The following TRPC4 variants were observed in gnomAD, a reference collection of about 807,000 sequenced individuals.
TRPC4 encodes transient receptor potential cation channel subfamily C member 4, also known as short transient receptor potential channel 4.
A neutral mutation model predicts 99.4 loss-of-function variants in TRPC4; 49 were observed. The observed-to-expected ratio is 0.49, with a 90% CI of 0.39 to 0.63. The LOEUF (loss-of-function observed/expected upper bound fraction) is 0.63, where lower values mean the gene tolerates loss of function less well. TRPC4 is among the 20% of genes least tolerant of loss of function. The pLI is 0.00. For synonymous variants in TRPC4, 454 were observed against 425.9 expected (o/e 1.07, Z -0.81); for missense variants, 898 against 1,152.9 (o/e 0.78, Z 3.20).
At chr13:37,740,301 T>C (rs17056559) in intron 3 of TRPC4, among the ~76,000 whole-genome samples, 1 of 152,130 alleles carries the variant, frequency 6.6e-6, no homozygotes, top group Admixed American at 6.5e-5. Flanking sequence ...TATGCAGATA[T>C]CAGGTAAATC....
Position 37,637,556 on chromosome 13 carries a change from TG to T in TRPC4, c.2280del (p.Thr761GlnfsTer39), listed in dbSNP as rs758310603. The T allele has an allele frequency of 6.2e-7, 1 of 1,613,022 alleles. No homozygotes were observed. The highest frequency in any genetic ancestry group is 1.1e-5 in the South Asian group (1 of 90,908). ...VLGLLRGSKL[S>X]TIQSANASKE... ...TTCGAGGCATTCGCAGATTGTATTG[TG>T]GAAAGTTTGCTTCCTCTTAGTAATC... On this transcript the variant is annotated frameshift_variant, in exon 11 of 11. Coordinates refer to ENST00000379705, the MANE Select transcript of TRPC4 (RefSeq NM_016179.4). LOFTEE classifies it high-confidence loss of function.
At position 37,635,286 on chromosome 13, in the gene TRPC4, T is replaced by C. The variant is rs2138503068; in HGVS notation, c.*1617A>G. ...GCAGTGGTGAAGGGAATGGCTCTGA[T>C]GGACACATCACAGCTCCATCATGAG... On this transcript the variant is annotated 3_prime_UTR_variant, in exon 11 of 11. Transcript: ENST00000379705. 6.6e-6 allele frequency among the ~76,000 whole-genome samples: 1 copy of C among 152,214 alleles called. No homozygotes were observed. Among genetic ancestry groups the C allele is most frequent in the East Asian group, 1.9e-4 (1 of 5,182 alleles).
intron 4 of TRPC4, among the ~76,000 whole-genome samples, chr13:37,679,911 G>C (rs1367394772): frequency 6.6e-6 from 1 of 152,156 alleles, no homozygotes; most frequent in Non-Finnish European, 1.5e-5. Flanking sequence ...AAAATGCTTG[G>C]CACACATTTT....
chr13:37,691,949 T>A, intron 4 of TRPC4, 50 bp downstream of exon 4: 2 of 1,524,526 alleles, frequency 1.3e-6, no homozygotes. Flanking sequence ...GCAACGAAAT[T>A]CCGTGGCAGT....
At chr13:37,666,272 T>C (rs1159773109) in intron 5 of TRPC4, among the ~76,000 whole-genome samples, 2 of 152,180 alleles carry the variant, frequency 1.3e-5, no homozygotes, top group African/African-American at 4.8e-5. Flanking sequence ...ACACATATTT[T>C]CCAAGCTCCT....
At chr13:37,787,088 G>A (rs1956990433) in intron 1 of TRPC4, among the ~76,000 whole-genome samples, 1 of 152,000 alleles carries the variant, frequency 6.6e-6, no homozygotes, top group East Asian at 1.9e-4. Flanking sequence ...GATAAGTTTA[G>A]TTATATAGTG....
At position 37,636,494 on chromosome 13, in the gene TRPC4, A is replaced by G. The variant is rs1485024430; in HGVS notation, c.*409T>C. On this transcript the variant is annotated 3_prime_UTR_variant, in exon 11 of 11. Transcript: ENST00000379705. ...CCTTGGTGAGTAACCCTCTCTAAAGACCCTAAAAAATTATGAAAAGCTATA... is the reference window on the plus strand; with the variant it reads ...CCTTGGTGAGTAACCCTCTCTAAAGGCCCTAAAAAATTATGAAAAGCTATA... 1 of 155,274 alleles carries G rather than the reference A, an allele frequency of 6.4e-6. No homozygotes were observed. Among genetic ancestry groups the G allele is most frequent in the Non-Finnish European group, 1.4e-5 (1 of 70,258 alleles). 9.6% of individuals were successfully genotyped at this position (155,274 alleles called of 1,614,324 possible). A position where few individuals can be genotyped will look rare whatever the true frequency, so the allele number is the denominator to read the frequency against.
At chr13:37,858,853 A>G (rs866955660) in intron 1 of TRPC4, among the ~76,000 whole-genome samples, 2 of 151,288 alleles carry the variant, frequency 1.3e-5, no homozygotes, top group South Asian at 4.1e-4. Context: ...AAGAATGAAT[A>G]ATATGTAGTA....
At chr13:37,724,599 G>GT (rs66945120) in intron 3 of TRPC4, among the ~76,000 whole-genome samples, 42,736 of 151,626 alleles carry the variant, frequency 0.28, 7,555 homozygotes, top group East Asian at 0.64. Flanking sequence ...TATATAAGCG[G>GT]TTTTTTTTGT....
chr13:37,837,838 C>G (rs186233408), intron 1 of TRPC4, among the ~76,000 whole-genome samples: 545 of 152,150 alleles, frequency 3.6e-3, no homozygotes, highest in Non-Finnish European at 5.9e-3. Flanking sequence ...TGGCTGTGTC[C>G]CCACTCAAAT....
intron 1 of TRPC4, among the ~76,000 whole-genome samples, chr13:37,791,808 A>G (rs931073483): frequency 6.6e-6 from 1 of 152,132 alleles, no homozygotes; most frequent in Non-Finnish European, 1.5e-5. Context: ...AATGCTAGCT[A>G]TGTGAAAAGG....
At chr13:37,787,152 A>G (rs1002871082) in intron 1 of TRPC4, among the ~76,000 whole-genome samples, 13 of 152,030 alleles carry the variant, frequency 8.6e-5, no homozygotes, top group Non-Finnish European at 1.9e-4. Context: ...AATATTTAAT[A>G]TAGAGAGATC....
At chr13:37,815,769 G>C (rs2139502283) in intron 1 of TRPC4, among the ~76,000 whole-genome samples, 1 of 151,710 alleles carries the variant, frequency 6.6e-6, no homozygotes. Flanking sequence ...AAACAGGCCT[G>C]ACAAACATCT....
At chr13:37,839,004 C>T (rs1035210427) in intron 1 of TRPC4, among the ~76,000 whole-genome samples, 4 of 152,270 alleles carry the variant, frequency 2.6e-5, no homozygotes, top group South Asian at 2.1e-4. Context: ...CATCTGATAT[C>T]ATGCTCTTAT....
At chr13:37,752,779 G>A (rs762199238) in intron 2 of TRPC4, among the ~76,000 whole-genome samples, 1 of 151,764 alleles carries the variant, frequency 6.6e-6, no homozygotes, top group Non-Finnish European at 1.5e-5. Flanking sequence ...TTACAGATTC[G>A]CAGGTGCTCA....
chr13:37,668,308 A>G (rs1341445586), intron 5 of TRPC4, among the ~76,000 whole-genome samples: 1 of 152,206 alleles, frequency 6.6e-6, no homozygotes, highest in African/African-American at 2.4e-5. Context: ...CCTATATAAT[A>G]GAGAGGTACT....
intron 1 of TRPC4, among the ~76,000 whole-genome samples, chr13:37,788,801 C>T (rs1957034688): frequency 6.6e-6 from 1 of 152,138 alleles, no homozygotes; most frequent in Admixed American, 6.6e-5. Context: ...CCAGACCACA[C>T]ATCTCCCTTA....
intron 3 of TRPC4, among the ~76,000 whole-genome samples, chr13:37,711,145 T>C (rs895752293): frequency 3.9e-5 from 6 of 152,012 alleles, no homozygotes; most frequent in African/African-American, 1.4e-4. Flanking sequence ...TTTGTGTTTT[T>C]ATACTAGAGG....
chr13:37,721,376 G>T (rs1954862558), intron 3 of TRPC4, among the ~76,000 whole-genome samples: 1 of 152,108 alleles, frequency 6.6e-6, no homozygotes, highest in Non-Finnish European at 1.5e-5. Flanking sequence ...CCCAAGGGAT[G>T]TTGTGAAGTG....
Sources: gnomAD v4.1 joint callset for allele counts (sites outside exome capture counted in the v4.1 genomes callset) on GRCh38, gnomAD v4.1.1 for gene constraint, MANE v1.5 for transcripts, NCBI Gene and HGNC (gene_info 2026-07-23, HGNC 2026-07-21) for gene names.